The following ZNF804B variants were observed in gnomAD, a reference collection of about 807,000 sequenced individuals.
The protein encoded by ZNF804B is zinc finger 804B.
Under a neutral mutation model 101.4 loss-of-function variants are expected in ZNF804B, and 80 were observed. The ratio of observed to expected loss-of-function variants is 0.79; its 90% CI spans 0.66 to 0.95. The LOEUF is 0.95. Ranked by LOEUF, ZNF804B falls within the 40% of genes least tolerant of loss-of-function variation. The pLI is 0.00. For synonymous variants in ZNF804B, 622 were observed against 558.8 expected (o/e 1.11, Z -1.59); for missense variants, 1,673 against 1,561.9 (o/e 1.07, Z -1.20).
chr7:89,240,066 GAATAA>G (rs1789344058), intron 2 of ZNF804B, among the ~76,000 whole-genome samples: 1 of 150,926 alleles, frequency 6.6e-6, no homozygotes, highest in Non-Finnish European at 1.5e-5. Context: ...TAAATATTTT[GAATAA>G]AATGTCTTGA....
chr7:88,892,766 C>T (rs1792232446), intron 1 of ZNF804B, among the ~76,000 whole-genome samples: 1 of 152,246 alleles, frequency 6.6e-6, no homozygotes, highest in Non-Finnish European at 1.5e-5. Context: ...CTCCTGGTCA[C>T]TTCGTTCCTG....
chr7:89,106,324 T>C (rs1240761026), intron 1 of ZNF804B, among the ~76,000 whole-genome samples: 1 of 152,138 alleles, frequency 6.6e-6, no homozygotes, highest in African/African-American at 2.4e-5. Flanking sequence ...TCTGTGAAAC[T>C]TTACATATTT....
At chr7:89,072,366 GGTTTC>G (rs1789555563) in intron 1 of ZNF804B, among the ~76,000 whole-genome samples, 1 of 152,054 alleles carries the variant, frequency 6.6e-6, no homozygotes, top group African/African-American at 2.4e-5. Flanking sequence ...TTCCTCTTTT[GGTTTC>G]TACTTGCCAG....
intron 2 of ZNF804B, among the ~76,000 whole-genome samples, chr7:89,224,557 G>A (rs1789052187): frequency 6.6e-6 from 1 of 151,902 alleles, no homozygotes; most frequent in Non-Finnish European, 1.5e-5. Context: ...TCCTCTAAAA[G>A]TGCTAACAAA....
At chr7:88,944,688 A>C (rs1187747356) in intron 1 of ZNF804B, among the ~76,000 whole-genome samples, 2 of 151,874 alleles carry the variant, frequency 1.3e-5, no homozygotes, top group Non-Finnish European at 2.9e-5. Context: ...AGAGTCATTT[A>C]AAATATACAA....
chr7:89,225,884 C>T (rs1319389355), intron 2 of ZNF804B, among the ~76,000 whole-genome samples: 1 of 151,948 alleles, frequency 6.6e-6, no homozygotes, highest in African/African-American at 2.4e-5. Context: ...ATCCTAAAAG[C>T]AGTTTATGTT....
chr7:89,012,133 G>A (rs1246174568), intron 1 of ZNF804B, among the ~76,000 whole-genome samples: 6 of 152,132 alleles, frequency 3.9e-5, no homozygotes, highest in Non-Finnish European at 5.9e-5. Context: ...TGCGCTCTCT[G>A]AGGCAATGGC....
rs144384688 is a variant in ZNF804B, at chr7:89,324,530, ATAT to A, written c.250-2804_250-2802del. ...GGTGTTTAGACCATTTACATTTAAT[ATAT>A]TATTATTATGTTTAAATTTTATTTA... is the stretch of plus-strand genomic sequence containing the variant. On this transcript the variant is annotated intron_variant, in intron 2 of 3. Coordinates refer to ENST00000333190, the MANE Select transcript of ZNF804B (RefSeq NM_181646.5). 3.6e-3 allele frequency among the ~76,000 whole-genome samples: 532 copies of A among 149,016 alleles called. 7 individuals carry two copies. Among genetic ancestry groups the A allele is most frequent in the African/African-American group, 0.013 (509 of 40,646 alleles).
intron 2 of ZNF804B, among the ~76,000 whole-genome samples, chr7:89,265,946 G>T (rs1789787477): frequency 6.6e-6 from 1 of 152,176 alleles, no homozygotes; most frequent in African/African-American, 2.4e-5. Flanking sequence ...CTGGTCACTC[G>T]ACTTCATGGC....
chr7:89,091,549 A>C (rs2116326119), intron 1 of ZNF804B, among the ~76,000 whole-genome samples: 1 of 152,326 alleles, frequency 6.6e-6, no homozygotes, highest in Non-Finnish European at 1.5e-5. Context: ...AGGGAATGAA[A>C]GCATGATATG....
chr7:88,779,947 A>G (rs1790197924), intron 1 of ZNF804B, among the ~76,000 whole-genome samples: 2 of 152,174 alleles, frequency 1.3e-5, no homozygotes, highest in Admixed American at 6.5e-5. Flanking sequence ...AAACTGTCCA[A>G]CTGGTCATTC....
chr7:88,941,932 A>T (rs185648799), intron 1 of ZNF804B, among the ~76,000 whole-genome samples: 180 of 152,006 alleles, frequency 1.2e-3, no homozygotes, highest in Non-Finnish European at 2.0e-3. Context: ...TCCTCATGTC[A>T]TTCCTTGGGC....
intron 1 of ZNF804B, among the ~76,000 whole-genome samples, chr7:89,081,875 T>G (rs1360915693): frequency 2.6e-5 from 4 of 151,752 alleles, no homozygotes; most frequent in Admixed American, 2.0e-4. Context: ...AATATCCCTT[T>G]TGTCTGAAAC....
At chr7:88,887,222 C>CA (rs2115921096) in intron 1 of ZNF804B, among the ~76,000 whole-genome samples, 1 of 50,942 alleles carries the variant, frequency 2.0e-5, no homozygotes, top group East Asian at 1.0e-3. Flanking sequence ...GTTTGTTGGC[C>CA]ATTTGTATGT....
rs564856666 is a variant in ZNF804B, at chr7:88,868,016, C to A, written c.108+107932C>A. ...TATTATATATATGTATATAAATGTG[C>A]AATATTCATAATTCTACTGTGTGTG... On this transcript the variant is annotated intron_variant, in intron 1 of 3. Transcript: ENST00000333190. Among the ~76,000 whole-genome samples the A allele has an allele frequency of 4.7e-5, 7 of 148,806 alleles. 1 individual carries two copies. The South Asian group carries it at 1.5e-3, about 32-fold the overall frequency.
chr7:89,323,779 A>AT (rs963384990), intron 2 of ZNF804B, among the ~76,000 whole-genome samples: 5 of 152,028 alleles, frequency 3.3e-5, no homozygotes, highest in Non-Finnish European at 7.4e-5. Context: ...GTAAAGTAGC[A>AT]TTTTTTTCTG....
intron 2 of ZNF804B, among the ~76,000 whole-genome samples, chr7:89,254,044 A>T (rs1384087511): frequency 2.6e-5 from 4 of 152,194 alleles, no homozygotes; most frequent in Non-Finnish European, 1.5e-5. Context: ...TATTAATGGC[A>T]CATGTTGAAA....
chr7:89,033,852 AT>A (rs1038012315), intron 1 of ZNF804B, among the ~76,000 whole-genome samples: 1 of 151,928 alleles, frequency 6.6e-6, no homozygotes, highest in East Asian at 1.9e-4. Flanking sequence ...TTGTATCTTC[AT>A]TTTTTTCAGT....
intron 1 of ZNF804B, among the ~76,000 whole-genome samples, chr7:88,793,257 G>A (rs1461927436): frequency 6.6e-6 from 1 of 152,026 alleles, no homozygotes; most frequent in African/African-American, 2.4e-5. Flanking sequence ...CTTGAAATTG[G>A]TCACATAGAA....
Sources: allele counts gnomAD v4.1 joint callset (sites outside exome capture counted in the v4.1 genomes callset), GRCh38; gene constraint gnomAD v4.1.1; transcripts MANE v1.5; gene names NCBI Gene and HGNC (gene_info 2026-07-23, HGNC 2026-07-21).